Variants in MAST2 observed in about 807,000 individuals in gnomAD.
MAST2 encodes the protein microtubule associated serine/threonine kinase 2.
Under a neutral mutation model 147.4 loss-of-function variants are expected in MAST2, and 70 were observed. The observed-to-expected ratio is 0.47, with a 90% CI of 0.39 to 0.58. The LOEUF is 0.58. MAST2 is among the 20% of genes least tolerant of loss of function. The pLI is 0.00. For missense variants in MAST2, 2,080 were observed against 2,302.3 expected, an observed-to-expected ratio of 0.90 and a Z score of 1.98; for synonymous variants, 869 against 896.8, an observed-to-expected ratio of 0.97 and a Z score of 0.55.
intron 5 of MAST2, among the ~76,000 whole-genome samples, chr1:45,978,005 G>A (rs925747254): frequency 2.6e-5 from 4 of 151,564 alleles, no homozygotes; most frequent in African/African-American, 9.7e-5. Context: ...CACTTGAGCC[G>A]AGGAGTTCGA....
At chr1:45,966,469 C>T (rs954540302) in intron 5 of MAST2, among the ~76,000 whole-genome samples, 30 of 151,470 alleles carry the variant, frequency 2.0e-4, no homozygotes, top group Admixed American at 8.5e-4. Context: ...TGGTGGCTCA[C>T]GCCTGTAATC....
chr1:46,011,234 G>C, intron 10 of MAST2: 1 of 371,958 alleles, frequency 2.7e-6, no homozygotes, highest in East Asian at 5.9e-5. Flanking sequence ...ATTTGACTAG[G>C]AGGTTTGCTA....
chr1:45,930,979 C>T (rs896651392), intron 4 of MAST2, among the ~76,000 whole-genome samples: 2 of 152,212 alleles, frequency 1.3e-5, no homozygotes, highest in African/African-American at 4.8e-5. Flanking sequence ...TATGTTATCT[C>T]ATCAGCCCTG....
At position 45,803,752 on chromosome 1, in the gene MAST2, C is replaced by T. The variant is rs1440455665; in HGVS notation, c.-144C>T. 4 of 351,648 alleles carry T rather than the reference C, an allele frequency of 1.1e-5. No individual in the cohort carries two copies. The highest frequency in any genetic ancestry group is 1.5e-4 in the South Asian group (1 of 6,748). 21.8% of individuals were successfully genotyped at this position (351,648 alleles called of 1,614,324 possible). On this transcript the variant is annotated 5_prime_UTR_variant, in exon 1 of 29. Transcript: ENST00000361297. ...CCGGAGGCCCCAGAAGGCTCGAAGG[C>T]GCCGCGGGCTGGGGTCGGTGGCTTA...
At chr1:46,000,035 C>T (rs530558536) in intron 6 of MAST2, among the ~76,000 whole-genome samples, 6 of 152,180 alleles carry the variant, frequency 3.9e-5, no homozygotes, top group East Asian at 1.9e-4. Flanking sequence ...GGAAGAGGGC[C>T]GGGCACAGTG....
chr1:46,019,497 C>A, intron 10 of MAST2, 99 bp from the exon 11 acceptor site: 1 of 907,152 alleles, frequency 1.1e-6, no homozygotes, highest in African/African-American at 1.6e-5. Context: ...CTCTATGCTA[C>A]CGAATTGTTT....
chr1:45,841,360 C>T lies in MAST2; in HGVS notation c.468+11779C>T, dbSNP rs143049133. Among the ~76,000 whole-genome samples, 194 of 151,730 alleles carry T rather than the reference C, an allele frequency of 1.3e-3. 2 individuals are homozygous for T. The East Asian group carries it at 0.013, about 10-fold the overall frequency. ...TATATATTTTTTTCTTTTTATGCCT[C>T]GGTACTTCAAATAGTTATTAGTAGC... On this transcript the variant is annotated intron_variant, in intron 3 of 28. Coordinates refer to ENST00000361297, the MANE Select transcript of MAST2 (RefSeq NM_015112.3).
At chr1:45,856,818 G>A (rs1034168552) in intron 3 of MAST2, among the ~76,000 whole-genome samples, 1 of 151,758 alleles carries the variant, frequency 6.6e-6, no homozygotes, top group Non-Finnish European at 1.5e-5. Context: ...ATGCTTGAAT[G>A]TATATGTCAT....
intron 3 of MAST2, among the ~76,000 whole-genome samples, chr1:45,831,961 G>A (rs750480427): frequency 6.6e-6 from 1 of 151,882 alleles, no homozygotes; most frequent in Non-Finnish European, 1.5e-5. Context: ...TGTATTTTTA[G>A]TAGAGATGGG....
intron 4 of MAST2, among the ~76,000 whole-genome samples, chr1:45,903,669 A>T (rs1391815342): frequency 1.3e-5 from 2 of 152,134 alleles, no homozygotes; most frequent in Non-Finnish European, 2.9e-5. Flanking sequence ...GGTTGATATG[A>T]TTTTTATTTT....
At chr1:46,012,337 G>T (rs929357403) in intron 10 of MAST2, among the ~76,000 whole-genome samples, 4 of 152,170 alleles carry the variant, frequency 2.6e-5, no homozygotes, top group African/African-American at 4.8e-5. Flanking sequence ...TTGACTGCTT[G>T]TGTGGTTAGG....
At chr1:45,914,623 A>C (rs1652188920) in intron 4 of MAST2, among the ~76,000 whole-genome samples, 2 of 152,170 alleles carry the variant, frequency 1.3e-5, no homozygotes, top group Admixed American at 1.3e-4. Flanking sequence ...CCTGAGTCAA[A>C]CTGCTTGCCC....
chr1:46,007,085 T>C (rs1277177043), intron 8 of MAST2, among the ~76,000 whole-genome samples: 3 of 152,200 alleles, frequency 2.0e-5, no homozygotes, highest in Non-Finnish European at 4.4e-5. Context: ...CGATTCTCTT[T>C]GGCATTAGCT....
At chr1:45,901,322 TTGAC>T (rs764706322) in intron 4 of MAST2, among the ~76,000 whole-genome samples, 3 of 152,178 alleles carry the variant, frequency 2.0e-5, no homozygotes, top group Non-Finnish European at 4.4e-5. Context: ...GGTGTATGGA[TTGAC>T]TTCTGGGTTC....
At chr1:45,909,390 CCT>C (rs1651300116) in intron 4 of MAST2, among the ~76,000 whole-genome samples, 2 of 152,096 alleles carry the variant, frequency 1.3e-5, no homozygotes, top group South Asian at 4.1e-4. Context: ...TTACGTTAAA[CCT>C]ATAAATTTTC....
intron 15 of MAST2, 127 bp from the exon 16 acceptor site, chr1:46,025,550 G>A: frequency 8.9e-7 from 1 of 1,128,834 alleles, no homozygotes; most frequent in South Asian, 1.5e-5. Context: ...GCTAGAATCA[G>A]AGTCTCCAGC....
chr1:46,028,027 A>G (rs1382148735), intron 17 of MAST2, among the ~76,000 whole-genome samples, 164 bp downstream of exon 17: 1 of 152,204 alleles, frequency 6.6e-6, no homozygotes, highest in African/African-American at 2.4e-5. Context: ...TTGTGTACAC[A>G]TACATAGATT....
intron 3 of MAST2, among the ~76,000 whole-genome samples, chr1:45,878,660 T>C (rs1646709248): frequency 6.6e-6 from 1 of 152,096 alleles, no homozygotes; most frequent in South Asian, 2.1e-4. Context: ...AAGTATAGGA[T>C]ACATGGTCAA....
intron 2 of MAST2, among the ~76,000 whole-genome samples, chr1:45,826,897 C>T (rs142567319): frequency 3.3e-5 from 5 of 152,212 alleles, no homozygotes; most frequent in South Asian, 2.1e-4. Context: ...GGCGCGATCT[C>T]GGCTCACTGA....
Sources: gnomAD v4.1 joint callset for allele counts (sites outside exome capture counted in the v4.1 genomes callset) on GRCh38, gnomAD v4.1.1 for gene constraint, MANE v1.5 for transcripts, NCBI Gene and HGNC (gene_info 2026-07-23, HGNC 2026-07-21) for gene names.